Variants in ESCO1 observed in about 807,000 individuals in gnomAD.
ESCO1 encodes the protein establishment of sister chromatid cohesion N-acetyltransferase 1, also known as N-acetyltransferase ESCO1.
Under a neutral mutation model 83.5 loss-of-function variants are expected in ESCO1, and 33 were observed. That is an observed-to-expected ratio of 0.40 (90% CI 0.30 to 0.53). ESCO1 has a LOEUF of 0.53. ESCO1 is among the 20% of genes least tolerant of loss of function. The pLI, the probability that ESCO1 is intolerant of heterozygous loss-of-function variation, is 0.63. For missense variants in ESCO1, 855 were observed against 968.0 expected, an observed-to-expected ratio of 0.88 and a Z score of 1.55; for synonymous variants, 332 against 324.3, an observed-to-expected ratio of 1.02 and a Z score of -0.25.
At chr18:21,532,277 T>C (rs543186533) in intron 11 of ESCO1, among the ~76,000 whole-genome samples, 196 bp downstream of exon 11, 11 of 152,316 alleles carry the variant, frequency 7.2e-5, no homozygotes, top group Non-Finnish European at 1.6e-4. Flanking sequence ...GTTTAGCCTA[T>C]AGTGCTTTCT....
intron 10 of ESCO1, 147 bp downstream of exon 10, chr18:21,535,895 T>C: frequency 2.2e-6 from 2 of 914,782 alleles, no homozygotes; most frequent in Non-Finnish European, 3.3e-6. Context: ...TATTCCACTA[T>C]GGTGAAGACT....
chr18:21,589,192 T>C (rs1490332891), intron 1 of ESCO1, among the ~76,000 whole-genome samples: 5 of 151,522 alleles, frequency 3.3e-5, no homozygotes, highest in African/African-American at 7.3e-5. Flanking sequence ...TGAGCCAAGA[T>C]TGCACCACTG....
rs148377802 is a variant in ESCO1 at position 21,577,121 on chromosome 18, G to A, written c.-693-1344C>T. On this transcript the variant is annotated intron_variant, in intron 2 of 11. Coordinates refer to ENST00000269214, the MANE Select transcript of ESCO1 (RefSeq NM_052911.3). ...TGTAATCCCAACACTTTGGGAGGTC[G>A]AGGCAGGCGAATCACTTGTGGCCAG... 3.9e-4 allele frequency among the ~76,000 whole-genome samples: 59 copies of A among 151,960 alleles called. No individual in the cohort carries two copies. The East Asian group carries it at 0.01, about 27-fold the overall frequency.
chr18:21,568,236 T>A lies in ESCO1; in HGVS notation c.1531-142A>T, dbSNP rs1434484970. 1.8e-5 allele frequency: 11 copies of A among 620,750 alleles called. No homozygotes were observed. The Admixed American group carries it at 2.8e-4, about 16-fold the overall frequency. The allele number at this position is 620,750 out of a possible 1,614,324, so 38.5% of individuals were successfully genotyped here. On this transcript the variant is annotated intron_variant, in intron 4 of 11. Coordinates refer to ENST00000269214, the MANE Select transcript of ESCO1 (RefSeq NM_052911.3). ...ACAGACATGAAGTCTCCCCATGATC[T>A]TGCTACAAGCTACCCTCTCACCATC...
intron 1 of ESCO1, among the ~76,000 whole-genome samples, chr18:21,594,925 C>CTGTG (rs35336026): frequency 0.066 from 9,543 of 143,664 alleles, 592 homozygotes; most frequent in African/African-American, 0.16. Context: ...TCTACAACTA[C>CTGTG]TGTGTGTGTG....
At chr18:21,545,206 A>C (rs561952441) in intron 8 of ESCO1, among the ~76,000 whole-genome samples, 35 of 152,312 alleles carry the variant, frequency 2.3e-4, no homozygotes, top group African/African-American at 8.4e-4. Context: ...AAGAATTGGG[A>C]TTACAGATGT....
intron 1 of ESCO1, among the ~76,000 whole-genome samples, chr18:21,599,990 C>T (rs1479034814): frequency 2.6e-5 from 4 of 152,198 alleles, no homozygotes; most frequent in Non-Finnish European, 5.9e-5. Context: ...CCAGAGCCGC[C>T]CTACCTGTGC....
intron 1 of ESCO1, among the ~76,000 whole-genome samples, chr18:21,585,090 G>T (rs1281311758): frequency 6.8e-6 from 1 of 146,718 alleles, no homozygotes; most frequent in African/African-American, 2.5e-5. Flanking sequence ...GCAGTGAGCC[G>T]AGATCGAGCC....
rs544485087 is a variant in ESCO1 at position 21,545,996 on chromosome 18, A to C, written c.1954-5987T>G. ...AATCCATATGGCCATATTGAACTTC[A>C]AAGTGTTTAAAAGTCTTAGATATTA... On this transcript the variant is annotated intron_variant, in intron 8 of 11. Coordinates refer to ENST00000269214, the MANE Select transcript of ESCO1 (RefSeq NM_052911.3). Among the ~76,000 whole-genome samples the C allele has an allele frequency of 3.9e-5, 6 of 152,304 alleles. No homozygotes were observed. In the South Asian group the frequency reaches 1.0e-3, roughly 26 times the overall value.
chr18:21,595,513 C>T (rs963441977), intron 1 of ESCO1, among the ~76,000 whole-genome samples: 3 of 142,276 alleles, frequency 2.1e-5, no homozygotes, highest in Non-Finnish European at 4.6e-5. Context: ...ACTAAAAATA[C>T]AAAAAATTAG....
chr18:21,536,294 A>G (rs1290942241), intron 9 of ESCO1, 109 bp from the exon 10 acceptor site: 4 of 1,263,544 alleles, frequency 3.2e-6, no homozygotes, highest in African/African-American at 3.0e-5. Context: ...GGCATCCTCT[A>G]AAGAGTTCTT....
chr18:21,587,171 T>A (rs2146226920), intron 1 of ESCO1, among the ~76,000 whole-genome samples: 1 of 152,334 alleles, frequency 6.6e-6, no homozygotes, highest in South Asian at 2.1e-4. Context: ...GTGGACATAT[T>A]CATAAGAAAT....
intron 1 of ESCO1, among the ~76,000 whole-genome samples, chr18:21,591,733 G>C (rs1252883944): frequency 6.6e-6 from 1 of 151,388 alleles, no homozygotes; most frequent in African/African-American, 2.4e-5. Context: ...ATTTGGCAGG[G>C]TCATAGGACA....
chr18:21,531,023 C>T (rs1175011027), intron 11 of ESCO1, among the ~76,000 whole-genome samples: 1 of 152,130 alleles, frequency 6.6e-6, no homozygotes, highest in Non-Finnish European at 1.5e-5. Flanking sequence ...ATCTAATAAA[C>T]GAGTCTGGCA....
chr18:21,583,566 C>T (rs984933538), intron 2 of ESCO1, among the ~76,000 whole-genome samples: 1 of 151,950 alleles, frequency 6.6e-6, no homozygotes, highest in Admixed American at 6.6e-5. Context: ...ACCGCTTGAA[C>T]CCAGGAGGCA....
intron 4 of ESCO1, among the ~76,000 whole-genome samples, chr18:21,568,795 C>T (rs546129905): frequency 6.6e-6 from 1 of 150,850 alleles, no homozygotes; most frequent in African/African-American, 2.4e-5. Flanking sequence ...CCCAGCTACT[C>T]GGGAGGCTGA....
intron 4 of ESCO1, among the ~76,000 whole-genome samples, chr18:21,570,347 C>T (rs1239265720): frequency 2.0e-5 from 3 of 152,196 alleles, no homozygotes; most frequent in African/African-American, 7.2e-5. Context: ...GATCCTCCCA[C>T]CTCAACCTCA....
At chr18:21,554,036 T>C (rs922684721) in intron 8 of ESCO1, among the ~76,000 whole-genome samples, 3 of 151,850 alleles carry the variant, frequency 2.0e-5, no homozygotes, top group African/African-American at 4.8e-5. Context: ...AATAAACACA[T>C]GAAAAGATAT....
chr18:21,574,959 T>A lies in ESCO1; in HGVS notation c.-116A>T. On this transcript the variant is annotated 5_prime_UTR_variant, in exon 4 of 12. An upstream open reading frame in the 5' UTR loses its in-frame stop. Coordinates refer to ENST00000269214, the MANE Select transcript of ESCO1 (RefSeq NM_052911.3). Reference sequence around the variant, plus strand: ...GAGGAGCAGGTCTGAAAAATCAACTTTAACTGATGCTGATATACATTTTCA... The same window carrying A: ...GAGGAGCAGGTCTGAAAAATCAACTATAACTGATGCTGATATACATTTTCA... 1.4e-6 allele frequency: 1 copy of A among 737,388 alleles called. No individual in the cohort carries two copies. The highest frequency in any genetic ancestry group is 2.1e-6 in the Non-Finnish European group (1 of 475,236). The allele number at this position is 737,388 out of a possible 1,614,324, so 45.7% of individuals were successfully genotyped here.
Sources: gnomAD v4.1 joint callset for allele counts (sites outside exome capture counted in the v4.1 genomes callset) on GRCh38, gnomAD v4.1.1 for gene constraint, MANE v1.5 for transcripts, NCBI Gene and HGNC (gene_info 2026-07-23, HGNC 2026-07-21) for gene names.